The following SHISAL1 variants were observed in gnomAD, a reference collection of about 807,000 sequenced individuals.
SHISAL1 encodes the protein protein shisa-like-1.
A neutral mutation model predicts 22.6 loss-of-function variants in SHISAL1; 9 were observed. That is an observed-to-expected ratio of 0.40 (90% CI 0.24 to 0.70). The LOEUF is 0.70. SHISAL1 is among the 30% of genes least tolerant of loss of function. The pLI, the probability that SHISAL1 is intolerant of heterozygous loss-of-function variation, is 0.39. For synonymous variants in SHISAL1, 119 were observed against 115.4 expected (o/e 1.03, Z -0.20); for missense variants, 246 against 270.6 (o/e 0.91, Z 0.64).
chr22:44,305,166 C>G (rs4072880), intron 1 of SHISAL1, among the ~76,000 whole-genome samples: 84,456 of 152,160 alleles, frequency 0.56, 23,921 homozygotes, highest in Admixed American at 0.66. Flanking sequence ...TCCACTGAGG[C>G]CTATAGTATT....
At chr22:44,266,108 T>C (rs2055159396) in intron 4 of SHISAL1, among the ~76,000 whole-genome samples, 2 of 151,898 alleles carry the variant, frequency 1.3e-5, no homozygotes, top group Admixed American at 6.6e-5. Context: ...CCCCAGGATG[T>C]ACCAGTCTTC....
intron 4 of SHISAL1, among the ~76,000 whole-genome samples, chr22:44,272,009 C>G (rs55972474): frequency 0.041 from 5,307 of 131,032 alleles, 331 homozygotes; most frequent in African/African-American, 0.13. Flanking sequence ...AATTAAGATT[C>G]CAAACTAAAG....
intron 4 of SHISAL1, among the ~76,000 whole-genome samples, chr22:44,269,920 C>T (rs527450818): frequency 2.0e-5 from 3 of 152,330 alleles, no homozygotes; most frequent in African/African-American, 7.2e-5. Flanking sequence ...GCAGCAACAC[C>T]ACGTGTCTCT....
chr22:44,295,180 T>C (rs1203105864), intron 3 of SHISAL1, among the ~76,000 whole-genome samples: 1 of 152,080 alleles, frequency 6.6e-6, no homozygotes, highest in Non-Finnish European at 1.5e-5. Context: ...GGCACTAGTG[T>C]ATAGCCAGAG....
the SHISAL1 span, among the ~76,000 whole-genome samples, chr22:44,330,332 G>T: frequency 1.3e-5 from 2 of 152,204 alleles, no homozygotes; most frequent in Non-Finnish European, 2.9e-5. Flanking sequence ...GGGGCTGGAG[G>T]CCACCCCCAG....
chr22:44,323,612 C>A, the SHISAL1 span, among the ~76,000 whole-genome samples: 1 of 150,398 alleles, frequency 6.6e-6, no homozygotes, highest in African/African-American at 2.4e-5. Context: ...ATCTATCCAC[C>A]CATTCATCCA....
intron 4 of SHISAL1, among the ~76,000 whole-genome samples, chr22:44,258,367 A>T (rs1569208285): frequency 6.6e-6 from 1 of 152,218 alleles, no homozygotes; most frequent in Non-Finnish European, 1.5e-5. Context: ...TTTGTGACAC[A>T]GCTAAACGTG....
chr22:44,302,437 G>A (rs552919141), intron 1 of SHISAL1, among the ~76,000 whole-genome samples: 6 of 152,170 alleles, frequency 3.9e-5, no homozygotes, highest in South Asian at 2.1e-4. Flanking sequence ...TTAATGTTAC[G>A]AGGGAAAATA....
chr22:44,265,462 G>C (rs1249597073), intron 4 of SHISAL1, among the ~76,000 whole-genome samples: 1 of 152,090 alleles, frequency 6.6e-6, no homozygotes, highest in Non-Finnish European at 1.5e-5. Context: ...GCTGAGAGGT[G>C]TATCCTCTCC....
At chr22:44,267,793 C>A (rs1353478945) in intron 4 of SHISAL1, among the ~76,000 whole-genome samples, 3 of 152,256 alleles carry the variant, frequency 2.0e-5, no homozygotes, top group Non-Finnish European at 4.4e-5. Context: ...CCGGACCACT[C>A]CCCACTTCCT....
chr22:44,315,648 C>T (rs2055553123), upstream of SHISAL1, among the ~76,000 whole-genome samples: 1 of 152,204 alleles, frequency 6.6e-6, no homozygotes, highest in African/African-American at 2.4e-5. Context: ...GGCCCCATGT[C>T]ACCTGGGCCA....
intron 4 of SHISAL1, among the ~76,000 whole-genome samples, chr22:44,265,716 G>T (rs1410559794): frequency 6.6e-6 from 1 of 152,182 alleles, no homozygotes; most frequent in Non-Finnish European, 1.5e-5. Flanking sequence ...GGAGAGGGAG[G>T]ATCTTGCAGA....
At chr22:44,323,524 T>C in the SHISAL1 span, among the ~76,000 whole-genome samples, 5,627 of 74,666 alleles carry the variant, frequency 0.075, 857 homozygotes, top group African/African-American at 0.21. Context: ...TCCATCCATC[T>C]ACCCACCTCA....
At chr22:44,265,855 G>A (rs775955970) in intron 4 of SHISAL1, among the ~76,000 whole-genome samples, 1 of 152,176 alleles carries the variant, frequency 6.6e-6, no homozygotes, top group Admixed American at 6.5e-5. Flanking sequence ...CAGGCTGCCT[G>A]GGAAGGTCTT....
chr22:44,299,573 G>C (rs1267508617), intron 2 of SHISAL1, among the ~76,000 whole-genome samples: 1 of 152,222 alleles, frequency 6.6e-6, no homozygotes, highest in Non-Finnish European at 1.5e-5. Context: ...GGGGAGCCCT[G>C]CCAAGCACCC....
chr22:44,269,282 T>G (rs1414065076), intron 4 of SHISAL1, among the ~76,000 whole-genome samples: 1 of 111,638 alleles, frequency 9.0e-6, no homozygotes, highest in African/African-American at 3.5e-5. Context: ...ACAACACACA[T>G]ACACACACCC....
At chr22:44,313,799 G>A (rs1385427642), upstream of SHISAL1, among the ~76,000 whole-genome samples, 1 of 152,218 alleles carries the variant, frequency 6.6e-6, no homozygotes, top group Non-Finnish European at 1.5e-5. Flanking sequence ...GCCCTCCTCT[G>A]CCTCCCACCC....
intron 1 of SHISAL1, among the ~76,000 whole-genome samples, chr22:44,307,309 T>C (rs975484678): frequency 4.6e-5 from 7 of 152,056 alleles, no homozygotes; most frequent in Non-Finnish European, 1.0e-4. Context: ...GTGACCCCCA[T>C]GTCAGCCTAA....
chr22:44,319,939 G>A, the SHISAL1 span, among the ~76,000 whole-genome samples: 2 of 152,096 alleles, frequency 1.3e-5, no homozygotes, highest in Non-Finnish European at 2.9e-5. Context: ...TGGAAATCAG[G>A]TCTCGAGGGT....
Sources: gnomAD v4.1 joint callset for allele counts (sites outside exome capture counted in the v4.1 genomes callset) on GRCh38, gnomAD v4.1.1 for gene constraint, MANE v1.5 for transcripts, NCBI Gene and HGNC (gene_info 2026-07-23, HGNC 2026-07-21) for gene names.